ITGA2: variants seen among roughly 807,000 people sequenced by gnomAD.
ITGA2 encodes the protein integrin subunit alpha 2.
ITGA2 carries 101 observed loss-of-function variants against 146.3 expected under a neutral mutation model. The observed-to-expected ratio is 0.69, with a 90% CI of 0.59 to 0.81. The LOEUF is 0.81. ITGA2 is among the 40% of genes least tolerant of loss of function. The pLI, the probability that ITGA2 is intolerant of heterozygous loss-of-function variation, is 0.00. For synonymous variants in ITGA2, 477 were observed against 487.1 expected (o/e 0.98, Z 0.27); for missense variants, 1,281 against 1,402.7 (o/e 0.91, Z 1.39).
At chr5:53,002,533 C>T (rs998686532) in intron 1 of ITGA2, among the ~76,000 whole-genome samples, 1 of 152,020 alleles carries the variant, frequency 6.6e-6, no homozygotes, top group Non-Finnish European at 1.5e-5. Flanking sequence ...ATATACTTTT[C>T]CATGTGAGTT....
intron 3 of ITGA2, among the ~76,000 whole-genome samples, chr5:53,042,445 A>G (rs143760936): frequency 1.3e-3 from 199 of 152,274 alleles, no homozygotes; most frequent in Non-Finnish European, 2.5e-3. Flanking sequence ...CCATTTACCT[A>G]TAGACCATGG....
Position 53,070,099 on chromosome 5 carries a change from T to C in ITGA2, c.2084-10T>C, listed in dbSNP as rs1008531273. On this transcript the variant is annotated splice_polypyrimidine_tract_variant and intron_variant, in intron 16 of 29. Transcript: ENST00000296585. ...GAAATAACATTTCTTTATGATTTTT[T>C]TTATCATAGCCATTGTATATAACAT... 8 of 1,604,742 alleles carry C rather than the reference T, an allele frequency of 5.0e-6. No homozygotes were observed. The highest frequency in any genetic ancestry group is 1.7e-5 in the Admixed American group (1 of 59,694).
Position 53,083,393 on chromosome 5 carries a change from C to G in ITGA2, c.3198C>G (p.His1066Gln). 1 of 1,613,670 alleles carries G rather than the reference C, an allele frequency of 6.2e-7. No homozygotes were observed. The highest frequency in any genetic ancestry group is 8.5e-7 in the Non-Finnish European group (1 of 1,179,642). ...SNVTCWLKDV[H>Q]MKGEYFVNVT... The stretch of plus-strand genomic sequence containing the variant: ...TTACCTGCTGGTTGAAAGACGTTCA[C>G]ATGAAAGGAGAATACTTTGTTAATG... The change falls in exon 27 of 30, where the codon CAC becomes CAG. Residue 1066 changes from histidine (H) to glutamine (Q), a missense_variant. His to Gln is a conservative substitution (Grantham distance 24). This residue lies in a region of ITGA2 where 475 missense variants were observed against 530.5 expected (regional missense o/e 0.90). Transcript: ENST00000296585.
intron 8 of ITGA2, 94 bp downstream of exon 8, chr5:53,055,782 T>A: frequency 6.9e-7 from 1 of 1,452,240 alleles, no homozygotes; most frequent in Non-Finnish European, 9.7e-7. Flanking sequence ...CATTGGCTGT[T>A]CATAGTTGAA....
At chr5:53,034,278 C>T (rs1188332864) in intron 2 of ITGA2, among the ~76,000 whole-genome samples, 1 of 151,944 alleles carries the variant, frequency 6.6e-6, no homozygotes, top group Non-Finnish European at 1.5e-5. Flanking sequence ...CCATCCTCAG[C>T]ACTATTAATA....
chr5:53,044,274 CAAAAAAAAAAAAAAA>C (rs11421419), intron 3 of ITGA2, among the ~76,000 whole-genome samples: 22 of 37,780 alleles, frequency 5.8e-4, no homozygotes, highest in East Asian at 8.9e-4. Flanking sequence ...GACTCTGTCT[CAAAAAAAAAAAAAAA>C]AAAAAAAAAA....
intron 17 of ITGA2, among the ~76,000 whole-genome samples, 170 bp downstream of exon 17, chr5:53,070,430 G>A (rs1285690870): frequency 1.3e-5 from 2 of 151,802 alleles, no homozygotes; most frequent in African/African-American, 4.8e-5. Context: ...TAATATTTAT[G>A]GTCACAATCT....
At chr5:53,014,765 T>C (rs1048439113) in intron 1 of ITGA2, among the ~76,000 whole-genome samples, 4 of 152,262 alleles carry the variant, frequency 2.6e-5, no homozygotes, top group African/African-American at 9.6e-5. Context: ...TATTACTCAT[T>C]CAATTTCAAA....
intron 4 of ITGA2, among the ~76,000 whole-genome samples, chr5:53,046,062 A>C (rs1347971647): frequency 1.3e-5 from 2 of 151,794 alleles, no homozygotes; most frequent in African/African-American, 2.4e-5. Flanking sequence ...GTGGTGGCAC[A>C]CACCTGTAAT....
chr5:53,057,930 T>C (rs1744715255), intron 9 of ITGA2, 95 bp from the exon 10 acceptor site: 1 of 825,324 alleles, frequency 1.2e-6, no homozygotes, highest in Admixed American at 1.8e-5. Flanking sequence ...GTGTTTGTGT[T>C]TGTAGGCATG....
chr5:53,037,361 T>G (rs1743541308), intron 2 of ITGA2, among the ~76,000 whole-genome samples: 1 of 152,222 alleles, frequency 6.6e-6, no homozygotes. Flanking sequence ...CATGCAACTC[T>G]TTTGTCTGGT....
At chr5:53,049,281 G>A (rs1744242699) in intron 6 of ITGA2, among the ~76,000 whole-genome samples, 1 of 152,032 alleles carries the variant, frequency 6.6e-6, no homozygotes, top group Non-Finnish European at 1.5e-5. Flanking sequence ...CAAAGTGCTG[G>A]GATTACAGGC....
intron 1 of ITGA2, among the ~76,000 whole-genome samples, chr5:52,994,739 T>A (rs1324790928): frequency 2.0e-5 from 3 of 152,200 alleles, no homozygotes; most frequent in Admixed American, 2.0e-4. Context: ...TTTCATATAA[T>A]TTAAAACTTG....
In ITGA2 at chr5:53,051,398, T is replaced by G; in HGVS notation, c.631-13T>G. The G allele has an allele frequency of 6.2e-7, 1 of 1,612,304 alleles. No homozygotes were observed. The highest frequency in any genetic ancestry group is 8.5e-7 in the Non-Finnish European group (1 of 1,178,560). ...TAATGACAGCCCATTAATAAATGTC[T>G]CCTCTGTTGAAGGTGGGGTTAATTC... On this transcript the variant is annotated splice_polypyrimidine_tract_variant and intron_variant, in intron 6 of 29. Transcript: ENST00000296585.
intron 1 of ITGA2, among the ~76,000 whole-genome samples, chr5:52,995,658 G>A (rs1741205398): frequency 1.3e-5 from 2 of 152,198 alleles, no homozygotes; most frequent in African/African-American, 2.4e-5. Flanking sequence ...GAGACATCTG[G>A]ATGTACACCT....
At chr5:53,033,450 A>C in intron 2 of ITGA2, among the ~76,000 whole-genome samples, 1 of 152,162 alleles carries the variant, frequency 6.6e-6, no homozygotes, top group East Asian at 1.9e-4. Context: ...TTTATGATAT[A>C]GCCTTTTAAA....
chr5:53,020,453 A>G (rs927421837), intron 1 of ITGA2, among the ~76,000 whole-genome samples: 3 of 152,136 alleles, frequency 2.0e-5, no homozygotes, highest in Admixed American at 2.0e-4. Flanking sequence ...CATTCTTAGG[A>G]CATGCCTAGC....
intron 1 of ITGA2, among the ~76,000 whole-genome samples, chr5:53,005,797 G>A (rs1741820430): frequency 6.6e-6 from 1 of 152,102 alleles, no homozygotes; most frequent in African/African-American, 2.4e-5. Context: ...CTATTTTACA[G>A]ATGGGAAAGG....
chr5:53,027,631 C>T (rs1242100547), intron 2 of ITGA2, among the ~76,000 whole-genome samples: 1 of 152,214 alleles, frequency 6.6e-6, no homozygotes, highest in African/African-American at 2.4e-5. Context: ...TTCATGCCCA[C>T]TGGTGGACAC....
Sources: allele counts gnomAD v4.1 joint callset (sites outside exome capture counted in the v4.1 genomes callset), GRCh38; gene constraint gnomAD v4.1.1; regional missense constraint gnomAD v4.1.1; transcripts MANE v1.5; gene names NCBI Gene and HGNC (gene_info 2026-07-23, HGNC 2026-07-21).